The following S1PR3 variants were observed in gnomAD, a reference collection of about 807,000 sequenced individuals.
S1PR3 encodes the protein sphingosine 1-phosphate receptor 3.
S1PR3 carries 12 observed loss-of-function variants against 13.3 expected under a neutral mutation model. That is an observed-to-expected ratio of 0.90 (90% CI 0.58 to 1.46). The LOEUF (loss-of-function observed/expected upper bound fraction) is 1.46, where lower values mean the gene tolerates loss of function less well. S1PR3 is among the 40% of genes most tolerant of loss of function. S1PR3 has a pLI of 0.00. For missense variants in S1PR3, 450 were observed against 501.9 expected (o/e 0.90, Z 0.99); for synonymous variants, 232 against 214.0 (o/e 1.08, Z -0.73).
chr9:88,998,882 G>A (rs1825836029), intron 1 of S1PR3: 1 of 152,340 alleles, frequency 6.6e-6, no homozygotes, highest in Admixed American at 6.5e-5. Flanking sequence ...AGAACCTACA[G>A]GCAAGACATG....
At position 89,003,895 on chromosome 9, in the gene S1PR3, G is replaced by T. The variant is rs1825900666; in HGVS notation, c.*1558G>T. The stretch of plus-strand genomic sequence containing the variant: ...GCTCTTATAAAGAGACATTTTCATA[G>T]GTTCAGAGTAACTCACCTCCATGGG... On this transcript the variant is annotated 3_prime_UTR_variant, in exon 2 of 2. Transcript: ENST00000358157. 1.2e-5 allele frequency: 2 copies of T among 166,930 alleles called. No homozygotes were observed. The highest frequency in any genetic ancestry group is 2.9e-5 in the Non-Finnish European group (2 of 68,106). The allele number at this position is 166,930 out of a possible 1,614,324, so 10.3% of individuals were successfully genotyped here. A position where few individuals can be genotyped will look rare whatever the true frequency, so the allele number is the denominator to read the frequency against.
At chr9:89,000,970 T>C in intron 1 of S1PR3, 84 bp from the exon 2 acceptor site, 1 of 564,308 alleles carries the variant, frequency 1.8e-6, no homozygotes, top group Middle Eastern at 4.8e-4. Flanking sequence ...ACGTTTTTCA[T>C]GCCTTTCTCC....
At chr9:88,993,507 C>G (rs1288215007) in intron 1 of S1PR3, 2 of 152,130 alleles carry the variant, frequency 1.3e-5, no homozygotes, top group Non-Finnish European at 2.9e-5. Flanking sequence ...GCTGTGGGTT[C>G]TATGAAACTT....
Position 88,991,926 on chromosome 9 carries a change from T to G in S1PR3, c.-148+231T>G. 6.2e-7 allele frequency: 1 copy of G among 1,614,190 alleles called. No homozygotes were observed. Among genetic ancestry groups the G allele is most frequent in the Non-Finnish European group, 8.5e-7 (1 of 1,180,040 alleles). On this transcript the variant is annotated intron_variant, in intron 1 of 1. Transcript: ENST00000358157. This position sits in a 1 kb window ranked among gnomAD's most constrained non-coding sequence, Gnocchi z 4.0. ...TTACAACGGGCTGGAGCTGAATACC[T>G]GGATGAAAGTGGAGAGGCTGTTCGT... is the stretch of plus-strand genomic sequence containing the variant.
rs1244906196 is a variant in S1PR3, at chr9:88,991,710, C to T, written c.-148+15C>T. The T allele has an allele frequency of 1.7e-5, 26 of 1,527,322 alleles. No homozygotes were observed. Among genetic ancestry groups the T allele is most frequent in the Admixed American group, 6.3e-5 (3 of 47,852 alleles). 94.6% of individuals were successfully genotyped at this position (1,527,322 alleles called of 1,614,324 possible). On this transcript the variant is annotated intron_variant, in intron 1 of 1. Coordinates refer to ENST00000358157, the MANE Select transcript of S1PR3 (RefSeq NM_005226.4). The surrounding 1 kb of genome is among the most constrained non-coding windows in gnomAD (Gnocchi z 4.0). Reference sequence around the variant, plus strand: ...AGCCGACGGAGGTGAGAGGCGGGCCCGGGCGGGGCGCGGAACCAGGGTGGG... The same window carrying T: ...AGCCGACGGAGGTGAGAGGCGGGCCTGGGCGGGGCGCGGAACCAGGGTGGG...
Position 89,001,748 on chromosome 9 carries a change from C to T in S1PR3, c.548C>T (p.Pro183Leu). The T allele has an allele frequency of 6.2e-7, 1 of 1,614,236 alleles. No homozygotes were observed. Among genetic ancestry groups the T allele is most frequent in the Non-Finnish European group, 8.5e-7 (1 of 1,180,038 alleles). The change falls in exon 2 of 2, where the codon CCT becomes CTT. Residue 183 changes from proline to leucine, a missense_variant. Pro to Leu is a moderately conservative substitution (Grantham distance 98). Transcript: ENST00000358157. Reference protein sequence around the residue: ...ILGWNCLHNLPDCSTILPLYS... With the variant: ...ILGWNCLHNLLDCSTILPLYS... ...GGCTGGAACTGCCTGCACAATCTCCCTGACTGCTCTACCATCCTGCCCCTC... is the reference window on the plus strand; with the variant it reads ...GGCTGGAACTGCCTGCACAATCTCCTTGACTGCTCTACCATCCTGCCCCTC...
chr9:88,996,516 G>A (rs935593116), intron 1 of S1PR3: 11 of 152,272 alleles, frequency 7.2e-5, no homozygotes, highest in Admixed American at 5.2e-4. Flanking sequence ...CATGGGGAGA[G>A]GAAAGCAATG....
Position 89,002,351 on chromosome 9 carries a change from C to T in S1PR3, c.*14C>T, listed in dbSNP as rs776323960. Reference sequence around the variant, plus strand: ...TTCTGCAACTGATCGTCTCCATGCGCCCTGCTCTGCGGCTGTGTTCTTATT... The same window carrying T: ...TTCTGCAACTGATCGTCTCCATGCGTCCTGCTCTGCGGCTGTGTTCTTATT... On this transcript the variant is annotated 3_prime_UTR_variant, in exon 2 of 2. Coordinates refer to ENST00000358157, the MANE Select transcript of S1PR3 (RefSeq NM_005226.4). 15 of 1,611,904 alleles carry T rather than the reference C, an allele frequency of 9.3e-6. No homozygotes were observed. In the East Asian group the frequency reaches 2.9e-4, roughly 31 times the overall value.
Position 89,001,123 on chromosome 9 carries a change from C to A in S1PR3, c.-78C>A, listed in dbSNP as rs749316311. The A allele has an allele frequency of 8.5e-6, 13 of 1,528,592 alleles. No individual in the cohort carries two copies. The South Asian group carries it at 1.0e-4, about 12-fold the overall frequency. 94.7% of individuals were successfully genotyped at this position (1,528,592 alleles called of 1,614,324 possible). A position where few individuals can be genotyped will look rare whatever the true frequency, so the allele number is the denominator to read the frequency against. On this transcript the variant is annotated 5_prime_UTR_variant, in exon 2 of 2. Coordinates refer to ENST00000358157, the MANE Select transcript of S1PR3 (RefSeq NM_005226.4). ...TGCTGAATGAAGCCGGAACCTCAGCCCCGCTTCCCTTTGAAATGAATGTTC... is the reference window on the plus strand; with the variant it reads ...TGCTGAATGAAGCCGGAACCTCAGCACCGCTTCCCTTTGAAATGAATGTTC...
chr9:89,000,846 G>C (rs992476181), intron 1 of S1PR3: 1 of 289,112 alleles, frequency 3.5e-6, no homozygotes, highest in African/African-American at 2.1e-5. Flanking sequence ...TTCCCTTCCC[G>C]GCAACTCCAG....
intron 1 of S1PR3, chr9:88,992,099 T>G: frequency 3.3e-6 from 5 of 1,495,220 alleles, no homozygotes; most frequent in Non-Finnish European, 4.6e-6. Context: ...GGAAAATTAG[T>G]TTTTTCCTAA....
At position 88,991,829 on chromosome 9, in the gene S1PR3, C is replaced by T. The variant is rs1484363243; in HGVS notation, c.-148+134C>T. On this transcript the variant is annotated intron_variant, in intron 1 of 1. Coordinates refer to ENST00000358157, the MANE Select transcript of S1PR3 (RefSeq NM_005226.4). The surrounding 1 kb of genome is among the most constrained non-coding windows in gnomAD (Gnocchi z 4.0). ...GGCGCGCCACGGCGGCCGGAGCGCT[C>T]CACATCAGCACCCCTCCCCCAGAGC... is the stretch of plus-strand genomic sequence containing the variant. 1 of 1,612,482 alleles carries T rather than the reference C, an allele frequency of 6.2e-7. No individual in the cohort carries two copies. The highest frequency in any genetic ancestry group is 2.2e-5 in the East Asian group (1 of 44,824).
rs907029145 is a variant in S1PR3, at chr9:88,991,876, GC to G, written c.-148+183del. ...GAGCCGCTGCAGGAACAGGGAGGAGGCCTTTTCCACCGCACCCGGAGCGTTT... is the reference window on the plus strand; with the variant it reads ...GAGCCGCTGCAGGAACAGGGAGGAGGCTTTTCCACCGCACCCGGAGCGTTT... On this transcript the variant is annotated intron_variant, in intron 1 of 1. Coordinates refer to ENST00000358157, the MANE Select transcript of S1PR3 (RefSeq NM_005226.4). The surrounding 1 kb of genome is among the most constrained non-coding windows in gnomAD (Gnocchi z 4.0). The G allele has an allele frequency of 1.2e-6, 2 of 1,614,050 alleles. No individual in the cohort carries two copies. Among genetic ancestry groups the G allele is most frequent in the African/African-American group, 2.7e-5 (2 of 74,934 alleles).
rs375650171 is a variant in S1PR3, at chr9:89,002,018, C to T, written c.818C>T (p.Ala273Val). 29 of 1,613,982 alleles carry T rather than the reference C, an allele frequency of 1.8e-5. No homozygotes were observed. The highest frequency in any genetic ancestry group is 1.6e-4 in the Middle Eastern group (1 of 6,084). The change falls in exon 2 of 2, where the codon GCG (alanine) becomes GTG (valine). Residue 273 changes from alanine (A) to valine (V), a missense_variant. By Grantham distance (64) the Ala-to-Val change is moderately conservative. Transcript: ENST00000358157. ...FLIDVACRVQ[A>V]CPILFKAQWF... Reference sequence around the variant, plus strand: ...ATTGATGTGGCCTGCAGGGTGCAGGCGTGCCCCATCCTCTTCAAGGCTCAG... The same window carrying T: ...ATTGATGTGGCCTGCAGGGTGCAGGTGTGCCCCATCCTCTTCAAGGCTCAG...
intron 1 of S1PR3, chr9:88,992,137 G>C (rs1437199139): frequency 5.6e-6 from 6 of 1,073,576 alleles, no homozygotes; most frequent in Non-Finnish European, 8.1e-6. Flanking sequence ...AATTAGGGCC[G>C]TCAGAATCGG....
chr9:89,001,240 G>A lies in S1PR3; in HGVS notation c.40G>A (p.Gly14Arg). 6.2e-7 allele frequency: 1 copy of A among 1,613,888 alleles called. No individual in the cohort carries two copies. Among genetic ancestry groups the A allele is most frequent in the East Asian group, 2.2e-5 (1 of 44,864 alleles). ...ALPPRLQPVR[G>R]NETLREHYQY... ...CCCGCCGCGTCTCCAGCCGGTGCGGGGGAACGAGACCCTGCGGGAGCATTA... is the reference window on the plus strand; with the variant it reads ...CCCGCCGCGTCTCCAGCCGGTGCGGAGGAACGAGACCCTGCGGGAGCATTA... The change falls in exon 2 of 2, where the codon GGG becomes AGG. Residue 14 changes from glycine to arginine, a missense_variant. By Grantham distance (125) the Gly-to-Arg change is moderately radical. Coordinates refer to ENST00000358157, the MANE Select transcript of S1PR3 (RefSeq NM_005226.4).
rs1308011324 is a variant in S1PR3, at chr9:89,001,515, C to T, written c.315C>T (p.Ser105=). Reference sequence around the variant, plus strand: ...TGATGTCTGGCAAGAAGACGTTCAGCCTGTCTCCCACGGTCTGGTTCCTCA... The same window carrying T: ...TGATGTCTGGCAAGAAGACGTTCAGTCTGTCTCCCACGGTCTGGTTCCTCA... ...NILMSGKKTF[S]LSPTVWFLRE... Residue 105 remains serine (S), a synonymous_variant, in exon 2 of 2, where the codon AGC becomes AGT. Coordinates refer to ENST00000358157, the MANE Select transcript of S1PR3 (RefSeq NM_005226.4). The T allele has an allele frequency of 2.5e-6, 4 of 1,614,120 alleles. No individual in the cohort carries two copies. Among genetic ancestry groups the T allele is most frequent in the African/African-American group, 2.7e-5 (2 of 74,934 alleles).
At chr9:88,998,714 T>C in intron 1 of S1PR3, 1 of 152,108 alleles carries the variant, frequency 6.6e-6, no homozygotes, top group East Asian at 1.9e-4. Context: ...CAGAGAAAAG[T>C]CACCAGGGGC....
In S1PR3 at chr9:89,002,605, C is replaced by T. The variant is rs117135373; in HGVS notation, c.*268C>T. 16,134 of 528,396 alleles carry T rather than the reference C, an allele frequency of 0.031. 333 individuals are homozygous for T. The highest frequency in any genetic ancestry group is 0.063 in the Middle Eastern group (123 of 1,948). 32.7% of individuals were successfully genotyped at this position (528,396 alleles called of 1,614,324 possible). A position where few individuals can be genotyped will look rare whatever the true frequency, so the allele number is the denominator to read the frequency against. On this transcript the variant is annotated 3_prime_UTR_variant, in exon 2 of 2. Transcript: ENST00000358157. ...ACTGCCTTCTGCTGCATCCTAGACA[C>T]CCTCCCTGTTGTTCACAGAGAGGGA... is the stretch of plus-strand genomic sequence containing the variant.
Sources: allele counts gnomAD v4.1 joint callset, GRCh38; gene constraint gnomAD v4.1.1; non-coding constraint Gnocchi (gnomAD v3.1); transcripts MANE v1.5; gene names NCBI Gene and HGNC (gene_info 2026-07-23, HGNC 2026-07-21).